TFAP2D: variants seen among roughly 807,000 people sequenced by gnomAD.
TFAP2D encodes the protein transcription factor AP-2 delta.
TFAP2D carries 9 observed loss-of-function variants against 43.6 expected under a neutral mutation model. The ratio of observed to expected loss-of-function variants is 0.21; its 90% CI spans 0.12 to 0.36. The LOEUF is 0.36. Among genes scored for constraint, TFAP2D ranks in the 10% least tolerant of loss-of-function variants. The pLI is 1.00. For missense variants in TFAP2D, 513 were observed against 561.4 expected (o/e 0.91, Z 0.87); for synonymous variants, 256 against 224.9 (o/e 1.14, Z -1.24).
At chr6:50,733,641 C>T (rs1768923478) in intron 5 of TFAP2D, among the ~76,000 whole-genome samples, 1 of 152,080 alleles carries the variant, frequency 6.6e-6, no homozygotes, top group Admixed American at 6.6e-5. Context: ...TCTGTGGATG[C>T]CTCCTCCATA....
chr6:50,730,754 C>T (rs970761751), intron 5 of TFAP2D, among the ~76,000 whole-genome samples: 3 of 152,074 alleles, frequency 2.0e-5, no homozygotes, highest in Non-Finnish European at 4.4e-5. Context: ...ATTCCCAAAT[C>T]AACTGAAACT....
chr6:50,723,611 T>A (rs565823980), intron 3 of TFAP2D, among the ~76,000 whole-genome samples: 34 of 152,296 alleles, frequency 2.2e-4, no homozygotes, highest in Non-Finnish European at 4.6e-4. Flanking sequence ...TTCTGCAGGT[T>A]TGAAATTCAA....
At chr6:50,716,462 G>A (rs1768629957) in intron 2 of TFAP2D, among the ~76,000 whole-genome samples, 1 of 151,760 alleles carries the variant, frequency 6.6e-6, no homozygotes, top group Non-Finnish European at 1.5e-5. Flanking sequence ...AAGGAGAAAA[G>A]GAAGGAAGGA....
intron 7 of TFAP2D, among the ~76,000 whole-genome samples, chr6:50,753,923 G>A (rs188557252): frequency 2.2e-4 from 33 of 151,702 alleles, no homozygotes; most frequent in African/African-American, 7.7e-4. Flanking sequence ...GATACAAATC[G>A]CATAACCAAA....
intron 7 of TFAP2D, among the ~76,000 whole-genome samples, chr6:50,763,905 G>T (rs1769404159): frequency 6.6e-6 from 1 of 152,104 alleles, no homozygotes. Flanking sequence ...GGTAATGGTG[G>T]TAGTTACACC....
intron 7 of TFAP2D, among the ~76,000 whole-genome samples, chr6:50,768,423 T>C (rs1280839139): frequency 6.6e-6 from 1 of 151,776 alleles, no homozygotes; most frequent in Non-Finnish European, 1.5e-5. Context: ...ACTCTCAGGT[T>C]CCTGGGCTTA....
At chr6:50,749,198 C>G (rs928839738) in intron 6 of TFAP2D, among the ~76,000 whole-genome samples, 1 of 151,602 alleles carries the variant, frequency 6.6e-6, no homozygotes, top group African/African-American at 2.4e-5. Flanking sequence ...TATAATATTA[C>G]TCCTGGTAGA....
At chr6:50,757,294 G>T (rs1323764189) in intron 7 of TFAP2D, among the ~76,000 whole-genome samples, 1 of 141,064 alleles carries the variant, frequency 7.1e-6, no homozygotes, top group Non-Finnish European at 1.5e-5. Flanking sequence ...TCTCTATATA[G>T]ATATTCTCTA....
In TFAP2D at chr6:50,744,787, T is replaced by A. The variant is rs906441924; in HGVS notation, c.884-320T>A. 1.3e-5 allele frequency among the ~76,000 whole-genome samples: 2 copies of A among 152,096 alleles called. 1 individual carries two copies. The highest frequency in any genetic ancestry group is 4.1e-4 in the South Asian group (2 of 4,824). On this transcript the variant is annotated intron_variant, in intron 5 of 7. Coordinates refer to ENST00000008391, the MANE Select transcript of TFAP2D (RefSeq NM_172238.4). ...GGCCATTTTGCTTGGGAATCATGTG[T>A]AAAACCTAGGAAGTCAGTCTGGTCT...
intron 6 of TFAP2D, among the ~76,000 whole-genome samples, chr6:50,748,072 T>G (rs1310056353): frequency 6.6e-6 from 1 of 151,996 alleles, no homozygotes; most frequent in Non-Finnish European, 1.5e-5. Context: ...TTTATTTTTG[T>G]TACTTATATG....
chr6:50,748,803 G>T (rs1769160425), intron 6 of TFAP2D, among the ~76,000 whole-genome samples: 2 of 151,798 alleles, frequency 1.3e-5, no homozygotes, highest in African/African-American at 4.8e-5. Flanking sequence ...ACAACTTTTA[G>T]TGTTACCATA....
intron 7 of TFAP2D, among the ~76,000 whole-genome samples, chr6:50,771,071 G>A (rs1769521606): frequency 6.6e-6 from 1 of 152,186 alleles, no homozygotes; most frequent in South Asian, 2.1e-4. Flanking sequence ...TTCAACCAAA[G>A]ATGACATTTG....
intron 2 of TFAP2D, among the ~76,000 whole-genome samples, chr6:50,718,375 G>T (rs1386736783): frequency 6.6e-6 from 1 of 152,080 alleles, no homozygotes; most frequent in Non-Finnish European, 1.5e-5. Flanking sequence ...CCTCTTTCAT[G>T]TCCAATACCT....
At chr6:50,753,976 C>CTG (rs532900418) in intron 7 of TFAP2D, among the ~76,000 whole-genome samples, 21 of 152,010 alleles carry the variant, frequency 1.4e-4, no homozygotes, top group African/African-American at 4.8e-4. Context: ...TTTTCTTAAA[C>CTG]TGTGATTAAA....
At chr6:50,736,883 G>A (rs111445173) in intron 5 of TFAP2D, among the ~76,000 whole-genome samples, 38 of 152,226 alleles carry the variant, frequency 2.5e-4, no homozygotes, top group Middle Eastern at 3.4e-3. Context: ...AATAACGTTT[G>A]AATTCTCTTC....
intron 7 of TFAP2D, among the ~76,000 whole-genome samples, chr6:50,759,097 G>T (rs1769329202): frequency 6.6e-6 from 1 of 151,966 alleles, no homozygotes; most frequent in Non-Finnish European, 1.5e-5. Context: ...ATTAAAAGTT[G>T]CAAACATGAC....
chr6:50,765,803 C>T (rs1769433296), intron 7 of TFAP2D, among the ~76,000 whole-genome samples: 1 of 152,040 alleles, frequency 6.6e-6, no homozygotes, highest in Non-Finnish European at 1.5e-5. Flanking sequence ...TATTTTCTCC[C>T]ATTCCATGGG....
At chr6:50,757,628 G>T (rs1396577125) in intron 7 of TFAP2D, among the ~76,000 whole-genome samples, 36 of 50,254 alleles carry the variant, frequency 7.2e-4, no homozygotes, top group East Asian at 1.4e-3. Context: ...TATATATATA[G>T]AATATATATA....
intron 3 of TFAP2D, among the ~76,000 whole-genome samples, chr6:50,722,462 A>G (rs1768741921): frequency 6.6e-6 from 1 of 152,104 alleles, no homozygotes; most frequent in South Asian, 2.1e-4. Context: ...TTCTATTTAC[A>G]GGAGTCGTCT....
Sources: gnomAD v4.1 joint callset for allele counts (sites outside exome capture counted in the v4.1 genomes callset) on GRCh38, gnomAD v4.1.1 for gene constraint, MANE v1.5 for transcripts, NCBI Gene and HGNC (gene_info 2026-07-23, HGNC 2026-07-21) for gene names.